The following ARL13B variants were observed in gnomAD, a reference collection of about 807,000 sequenced individuals.
ARL13B encodes ADP-ribosylation factor-like protein 13B.
Under a neutral mutation model 56.1 loss-of-function variants are expected in ARL13B, and 36 were observed. That is an observed-to-expected ratio of 0.64 (90% CI 0.49 to 0.85). The LOEUF (loss-of-function observed/expected upper bound fraction) is 0.85. ARL13B is among the 40% of genes least tolerant of loss of function. ARL13B has a pLI of 0.00. For missense variants in ARL13B, 519 were observed against 507.1 expected (o/e 1.02, Z -0.23); for synonymous variants, 178 against 171.1 (o/e 1.04, Z -0.32).
chr3:94,039,752 A>C (rs1159645329), intron 5 of ARL13B, 128 bp from the exon 6 acceptor site: 3 of 754,454 alleles, frequency 4.0e-6, no homozygotes, highest in Non-Finnish European at 6.5e-6. Context: ...AAATGCTCTC[A>C]GTAATTCAAA....
intron 6 of ARL13B, among the ~76,000 whole-genome samples, chr3:94,042,397 T>C (rs2076878686): frequency 6.6e-6 from 1 of 152,214 alleles, no homozygotes; most frequent in South Asian, 2.1e-4. Context: ...TTCTGTTTTT[T>C]AAAATAGTGA....
intron 3 of ARL13B, among the ~76,000 whole-genome samples, chr3:94,005,029 A>T (rs1000405221): frequency 3.9e-5 from 6 of 152,138 alleles, no homozygotes; most frequent in Non-Finnish European, 5.9e-5. Flanking sequence ...GCTTTTTTAA[A>T]ACTAGTCATT....
At position 94,053,437 on chromosome 3, in the gene ARL13B, C is replaced by A; in HGVS notation, c.*174C>A. Reference sequence around the variant, plus strand: ...TTGATAATTACTTATTTGTGTTTTTCATGGTTAAAAAAATAAAAGAAGCAC... The same window carrying A: ...TTGATAATTACTTATTTGTGTTTTTAATGGTTAAAAAAATAAAAGAAGCAC... On this transcript the variant is annotated 3_prime_UTR_variant, in exon 10 of 10. Coordinates refer to ENST00000394222, the MANE Select transcript of ARL13B (RefSeq NM_001174150.2). 1.4e-6 allele frequency: 1 copy of A among 720,252 alleles called. No homozygotes were observed. Among genetic ancestry groups the A allele is most frequent in the Non-Finnish European group, 2.5e-6 (1 of 406,556 alleles). 44.6% of individuals were successfully genotyped at this position (720,252 alleles called of 1,614,324 possible).
At chr3:94,014,087 A>G (rs1351050784) in intron 3 of ARL13B, among the ~76,000 whole-genome samples, 6 of 152,242 alleles carry the variant, frequency 3.9e-5, no homozygotes, top group Non-Finnish European at 5.9e-5. Context: ...GAAATGTATA[A>G]TATAGAGCTT....
intron 7 of ARL13B, among the ~76,000 whole-genome samples, chr3:94,046,399 A>G (rs532512642): frequency 6.6e-6 from 1 of 152,228 alleles, no homozygotes; most frequent in East Asian, 1.9e-4. Context: ...CCTTGAATAT[A>G]ATATATTCCT....
chr3:94,011,424 T>G (rs1258676587), intron 3 of ARL13B, among the ~76,000 whole-genome samples: 4 of 152,180 alleles, frequency 2.6e-5, no homozygotes, highest in African/African-American at 9.6e-5. Flanking sequence ...TCCCTCCTTG[T>G]CCTCTCATTC....
chr3:94,008,964 G>A (rs895474215), intron 3 of ARL13B, among the ~76,000 whole-genome samples: 1 of 152,094 alleles, frequency 6.6e-6, no homozygotes, highest in Non-Finnish European at 1.5e-5. Flanking sequence ...AAGACAACAT[G>A]ATATCTCTGA....
chr3:93,988,761 T>C, intron 1 of ARL13B: 1 of 438,848 alleles, frequency 2.3e-6, no homozygotes, highest in Admixed American at 3.0e-5. Context: ...GTTTTCCCTA[T>C]GCTCCCCTTT....
In ARL13B at chr3:94,053,992, C is replaced by G. The variant is rs1235230858; in HGVS notation, c.*729C>G. 2.5e-6 allele frequency: 1 copy of G among 402,472 alleles called. No homozygotes were observed. The highest frequency in any genetic ancestry group is 2.1e-5 in the African/African-American group (1 of 47,948). 24.9% of individuals were successfully genotyped at this position (402,472 alleles called of 1,614,324 possible). ...AATTACATGATTTGAAAACAGTACT[C>G]AATGAGACTGGAAATACCTTTTGTA... On this transcript the variant is annotated 3_prime_UTR_variant, in exon 10 of 10. Coordinates refer to ENST00000394222, the MANE Select transcript of ARL13B (RefSeq NM_001174150.2).
intron 3 of ARL13B, chr3:94,014,565 C>G: frequency 6.2e-7 from 1 of 1,612,322 alleles, no homozygotes; most frequent in African/African-American, 1.3e-5. Context: ...AAAGAGATAT[C>G]TGAATGAAAA....
chr3:94,026,978 A>G (rs2076570989), intron 3 of ARL13B, among the ~76,000 whole-genome samples: 1 of 152,148 alleles, frequency 6.6e-6, no homozygotes, highest in Non-Finnish European at 1.5e-5. Context: ...TATTACAGAC[A>G]CTGAAAATCC....
In ARL13B at chr3:93,980,307, TC is replaced by T. The variant is rs1228765114; in HGVS notation, c.-115del. 4 of 1,396,530 alleles carry T rather than the reference TC, an allele frequency of 2.9e-6. No individual in the cohort carries two copies. Among genetic ancestry groups the T allele is most frequent in the Non-Finnish European group, 4.0e-6 (4 of 997,442 alleles). 86.5% of individuals were successfully genotyped at this position (1,396,530 alleles called of 1,614,324 possible). On this transcript the variant is annotated 5_prime_UTR_variant, in exon 1 of 10. Transcript: ENST00000394222. ...CCGCCTTCACTTCCCTCCCGGCTTT[TC>T]CTCCCGACTTATCCACTTTAGGGGC...
At position 93,980,291 on chromosome 3, in the gene ARL13B, C is replaced by T; in HGVS notation, c.-133C>T. On this transcript the variant is annotated 5_prime_UTR_variant, in exon 1 of 10. Coordinates refer to ENST00000394222, the MANE Select transcript of ARL13B (RefSeq NM_001174150.2). ...TTAGTGCTCGGGCCGGCCGCCTTCA[C>T]TTCCCTCCCGGCTTTTCCTCCCGAC... The T allele has an allele frequency of 5.6e-6, 7 of 1,245,612 alleles. No homozygotes were observed. Among genetic ancestry groups the T allele is most frequent in the Non-Finnish European group, 8.1e-6 (7 of 867,846 alleles). The allele number at this position is 1,245,612 out of a possible 1,614,324, so 77.2% of individuals were successfully genotyped here.
chr3:93,991,089 T>C (rs2107358235), intron 1 of ARL13B, among the ~76,000 whole-genome samples: 1 of 152,342 alleles, frequency 6.6e-6, no homozygotes, highest in South Asian at 2.1e-4. Flanking sequence ...AGAAAAGATG[T>C]CTGAGGCATT....
chr3:93,993,704 A>G (rs767496743), intron 1 of ARL13B, among the ~76,000 whole-genome samples: 28 of 152,214 alleles, frequency 1.8e-4, no homozygotes, highest in Non-Finnish European at 3.5e-4. Context: ...AGTTCTATGA[A>G]TTAATTCATA....
rs562159536 is a variant in ARL13B at position 93,980,239 on chromosome 3, G to T, written c.-185G>T. 5.3e-6 allele frequency: 4 copies of T among 758,274 alleles called. No homozygotes were observed. The highest frequency in any genetic ancestry group is 9.2e-6 in the Non-Finnish European group (4 of 436,538). The allele number at this position is 758,274 out of a possible 1,614,324, so 47.0% of individuals were successfully genotyped here. The stretch of plus-strand genomic sequence containing the variant: ...TTGTTCCTTGGCTAAGAGGGCAGTC[G>T]TCGCGGACCCACGCGGTTAGCAAGG... On this transcript the variant is annotated 5_prime_UTR_variant, in exon 1 of 10. Coordinates refer to ENST00000394222, the MANE Select transcript of ARL13B (RefSeq NM_001174150.2).
chr3:94,049,996 CAAAAAAAA>C (rs532785971), intron 8 of ARL13B, among the ~76,000 whole-genome samples: 2 of 64,428 alleles, frequency 3.1e-5, no homozygotes, highest in Admixed American at 1.6e-4. Flanking sequence ...ACTAAAGATA[CAAAAAAAA>C]AAAAAAAAAA....
At chr3:94,017,832 A>G (rs1364159635) in intron 3 of ARL13B, among the ~76,000 whole-genome samples, 1 of 152,140 alleles carries the variant, frequency 6.6e-6, no homozygotes, top group African/African-American at 2.4e-5. Flanking sequence ...TGAGACTGAT[A>G]TGTTTTAGGA....
At chr3:94,038,823 C>G (rs895993568) in intron 5 of ARL13B, among the ~76,000 whole-genome samples, 2 of 151,926 alleles carry the variant, frequency 1.3e-5, no homozygotes, top group Non-Finnish European at 2.9e-5. Flanking sequence ...ACCCGGCCGG[C>G]TGCTCATCTT....
Sources: allele counts gnomAD v4.1 joint callset (sites outside exome capture counted in the v4.1 genomes callset), GRCh38; gene constraint gnomAD v4.1.1; transcripts MANE v1.5; gene names NCBI Gene and HGNC (gene_info 2026-07-23, HGNC 2026-07-21).